The following FAM20C variants were observed in gnomAD, a reference collection of about 807,000 sequenced individuals.
FAM20C encodes the protein FAM20C golgi associated secretory pathway kinase, also known as extracellular serine/threonine protein kinase FAM20C.
Under a neutral mutation model 51.5 loss-of-function variants are expected in FAM20C, and 40 were observed. The observed-to-expected ratio is 0.78, with a 90% CI of 0.60 to 1.01. The LOEUF (loss-of-function observed/expected upper bound fraction) is 1.01. FAM20C is among the 50% of genes least tolerant of loss of function. The probability of loss-of-function intolerance (pLI) is 0.00; values close to 1 mark genes in which losing one functional copy is unlikely to be tolerated. For synonymous variants in FAM20C, 406 were observed against 380.6 expected, an observed-to-expected ratio of 1.07 and a Z score of -0.78; for missense variants, 861 against 844.7, an observed-to-expected ratio of 1.02 and a Z score of -0.24.
At chr7:215,537 TGG>T (rs369986011) in intron 3 of FAM20C, among the ~76,000 whole-genome samples, 2 of 80 alleles carry the variant, frequency 0.025, no homozygotes, top group Non-Finnish European at 0.033. Context: ...TGGGGCTGGG[TGG>T]GGGGAGCAGG....
chr7:245,018 C>T (rs1788093739), intron 3 of FAM20C, among the ~76,000 whole-genome samples: 1 of 152,204 alleles, frequency 6.6e-6, no homozygotes, highest in African/African-American at 2.4e-5. Context: ...GTGGTCCCCC[C>T]GAAGGGACGT....
intron 3 of FAM20C, among the ~76,000 whole-genome samples, chr7:226,624 G>T (rs757528658): frequency 6.6e-6 from 1 of 152,050 alleles, no homozygotes; most frequent in East Asian, 1.9e-4. Flanking sequence ...GGGCACAGGC[G>T]GCCGCTCCAC....
rs1554254464 is a variant in FAM20C at position 243,944 on chromosome 7, A to AATT, written c.864-2455_864-2453dup. Among the ~76,000 whole-genome samples, 1,273 of 136,804 alleles carry AATT rather than the reference A, an allele frequency of 9.3e-3. 25 individuals are homozygous for AATT. Among genetic ancestry groups the AATT allele is most frequent in the East Asian group, 0.05 (233 of 4,654 alleles). 89.7% of individuals were successfully genotyped at this position (136,804 alleles called of 152,430 possible). ...AAATAATAATAATAATAATAATAAT[A>AATT]ATTATTATTATTATTATTTGGAGAC... On this transcript the variant is annotated intron_variant, in intron 3 of 9. Coordinates refer to ENST00000313766, the MANE Select transcript of FAM20C (RefSeq NM_020223.4).
chr7:253,603 G>A (rs1471932911), intron 5 of FAM20C, among the ~76,000 whole-genome samples: 1 of 152,224 alleles, frequency 6.6e-6, no homozygotes, highest in African/African-American at 2.4e-5. Context: ...TGCCTCCCGT[G>A]GCTTCTTTGT....
intron 3 of FAM20C, chr7:228,986 C>T (rs1485323845): frequency 1.6e-5 from 6 of 374,352 alleles, no homozygotes. Flanking sequence ...AGTAGCGACA[C>T]CAGGACCCGT....
intron 3 of FAM20C, among the ~76,000 whole-genome samples, chr7:222,123 G>A (rs1368255149): frequency 6.6e-6 from 1 of 152,208 alleles, no homozygotes; most frequent in Non-Finnish European, 1.5e-5. Flanking sequence ...AGGGGCCTGT[G>A]GGGAGCCAGA....
At chr7:233,131 T>C (rs1011402888) in intron 3 of FAM20C, among the ~76,000 whole-genome samples, 37 of 152,192 alleles carry the variant, frequency 2.4e-4, no homozygotes, top group Non-Finnish European at 4.4e-4. Context: ...AGACCTCGGT[T>C]TCCTTGTCTT....
chr7:230,831 G>T (rs1481676848), intron 3 of FAM20C, among the ~76,000 whole-genome samples: 1 of 150,370 alleles, frequency 6.7e-6, no homozygotes, highest in Non-Finnish European at 1.5e-5. Context: ...TTAATGAAGG[G>T]AAGAGTCCTG....
intron 3 of FAM20C, among the ~76,000 whole-genome samples, chr7:216,682 A>T (rs575981021): frequency 0.34 from 49,008 of 143,474 alleles, 8,161 homozygotes; most frequent in East Asian, 0.55. Context: ...AGTGTGTGTG[A>T]GAGTGTGTGT....
At chr7:193,978 C>T (rs960422484) in intron 1 of FAM20C, 174 bp downstream of exon 1, 13 of 1,059,684 alleles carry the variant, frequency 1.2e-5, no homozygotes, top group Non-Finnish European at 1.6e-5. Context: ...TCCAGAATAA[C>T]CTCCTCCTTG....
chr7:233,912 C>G (rs1169827847), intron 3 of FAM20C, among the ~76,000 whole-genome samples: 1 of 152,194 alleles, frequency 6.6e-6, no homozygotes, highest in Admixed American at 6.5e-5. Context: ...GAGGGAAATC[C>G]TTCTAAGGGA....
chr7:227,784 T>G (rs1787502752), intron 3 of FAM20C: 1 of 152,338 alleles, frequency 6.6e-6, no homozygotes, highest in African/African-American at 2.4e-5. Context: ...TTTTCCCCGT[T>G]TGCTTTTGAA....
chr7:247,390 G>A (rs1405015967), intron 4 of FAM20C, among the ~76,000 whole-genome samples: 1 of 152,164 alleles, frequency 6.6e-6, no homozygotes, highest in African/African-American at 2.4e-5. Flanking sequence ...GAGCCTCCCT[G>A]CCTGCCCTGC....
At chr7:242,319 G>A (rs1277135956) in intron 3 of FAM20C, among the ~76,000 whole-genome samples, 3 of 152,206 alleles carry the variant, frequency 2.0e-5, no homozygotes, top group Non-Finnish European at 4.4e-5. Flanking sequence ...CTGTGGGTCC[G>A]GGGACGCGGA....
intron 3 of FAM20C, among the ~76,000 whole-genome samples, chr7:237,468 T>C (rs898158999): frequency 0.029 from 4,488 of 152,238 alleles, 221 homozygotes; most frequent in African/African-American, 0.1. Flanking sequence ...CTGATGGTGA[T>C]TGTGATGATA....
intron 3 of FAM20C, among the ~76,000 whole-genome samples, chr7:219,902 A>G (rs1350572540): frequency 6.6e-6 from 1 of 152,238 alleles, no homozygotes; most frequent in Non-Finnish European, 1.5e-5. Flanking sequence ...CCGGTTCCAA[A>G]GGCAAACAGA....
intron 2 of FAM20C, among the ~76,000 whole-genome samples, chr7:200,067 G>A (rs942516592): frequency 5.3e-5 from 8 of 152,234 alleles, no homozygotes; most frequent in African/African-American, 1.9e-4. Flanking sequence ...ACTAACCAGC[G>A]GGTGAGCTTC....
In FAM20C at chr7:193,458, A is replaced by G; in HGVS notation, c.259A>G (p.Thr87Ala). Residue 87 changes from threonine to alanine, a missense_variant, in exon 1 of 10, where the codon ACG becomes GCG. Transcript: ENST00000313766. ...CGACGCGGGCTGGCCCAACAAGCACACGCTCCGCATCCTGCAGGACTTCAG... is the reference window on the plus strand; with the variant it reads ...CGACGCGGGCTGGCCCAACAAGCACGCGCTCCGCATCCTGCAGGACTTCAG... ...AGDAGWPNKH[T>A]LRILQDFSSD... 3 of 1,472,676 alleles carry G rather than the reference A, an allele frequency of 2.0e-6. No individual in the cohort carries two copies. The highest frequency in any genetic ancestry group is 2.7e-6 in the Non-Finnish European group (3 of 1,105,702). 91.2% of individuals were successfully genotyped at this position (1,472,676 alleles called of 1,614,324 possible). A position where few individuals can be genotyped will look rare whatever the true frequency, so the allele number is the denominator to read the frequency against.
chr7:256,853 C>T (rs908455382), intron 7 of FAM20C, 90 bp downstream of exon 7: 48 of 1,439,512 alleles, frequency 3.3e-5, no homozygotes, highest in Middle Eastern at 1.9e-4. Flanking sequence ...CTCCGTGGCA[C>T]GGCCCGGCTG....
Sources: gnomAD v4.1 joint callset for allele counts (sites outside exome capture counted in the v4.1 genomes callset) on GRCh38, gnomAD v4.1.1 for gene constraint, MANE v1.5 for transcripts, NCBI Gene and HGNC (gene_info 2026-07-23, HGNC 2026-07-21) for gene names.